R3HCC1L: variants seen among roughly 807,000 people sequenced by gnomAD.
The protein encoded by R3HCC1L is R3H domain and coiled-coil containing 1 like.
In R3HCC1L, 51 loss-of-function variants were observed where a neutral mutation model predicts 59.9. The ratio of observed to expected loss-of-function variants is 0.85; its 90% CI spans 0.68 to 1.07. The LOEUF is 1.07. Ranked by LOEUF, R3HCC1L falls within the 50% of genes least tolerant of loss-of-function variation. The pLI is 0.00. For synonymous variants in R3HCC1L, 322 were observed against 315.2 expected, an observed-to-expected ratio of 1.02 and a Z score of -0.23; for missense variants, 965 against 933.0, an observed-to-expected ratio of 1.03 and a Z score of -0.45.
At chr10:98,150,818 T>A (rs548969035) in intron 1 of R3HCC1L, among the ~76,000 whole-genome samples, 1 of 152,296 alleles carries the variant, frequency 6.6e-6, no homozygotes, top group African/African-American at 2.4e-5. Flanking sequence ...CCCTCCCCTC[T>A]TTGTCTCTGG....
At chr10:98,179,531 T>G (rs959686742) in intron 4 of R3HCC1L, among the ~76,000 whole-genome samples, 7 of 152,292 alleles carry the variant, frequency 4.6e-5, no homozygotes, top group African/African-American at 1.7e-4. Flanking sequence ...TCTCTTTTTT[T>G]GTTGTGTCTC....
intron 5 of R3HCC1L, among the ~76,000 whole-genome samples, chr10:98,225,865 A>T (rs1855614744): frequency 6.6e-6 from 1 of 151,942 alleles, no homozygotes; most frequent in Non-Finnish European, 1.5e-5. Flanking sequence ...TTTGGTACAA[A>T]GTCTTGGCTC....
intron 1 of R3HCC1L, among the ~76,000 whole-genome samples, chr10:98,153,386 CTTTG>C (rs1846471410): frequency 6.6e-6 from 1 of 152,078 alleles, no homozygotes; most frequent in Non-Finnish European, 1.5e-5. Context: ...GCAACATGTG[CTTTG>C]TTAAACAGAT....
rs752527858 is a variant in R3HCC1L, at chr10:98,208,064, A to G, written c.-14-37A>G. On this transcript the variant is annotated intron_variant, in intron 4 of 9. Transcript: ENST00000298999. ...AAATATTTTGGTTCAATACATTGTA[A>G]TTAGTGTCTAATAATTAAATCATTC... The G allele has an allele frequency of 8.5e-6, 13 of 1,530,408 alleles. No individual in the cohort carries two copies. The African/African-American group carries it at 1.5e-4, about 18-fold the overall frequency. The allele number at this position is 1,530,408 out of a possible 1,614,324, so 94.8% of individuals were successfully genotyped here.
At chr10:98,174,205 G>T (rs999972599) in intron 4 of R3HCC1L, among the ~76,000 whole-genome samples, 1 of 152,158 alleles carries the variant, frequency 6.6e-6, no homozygotes, top group Non-Finnish European at 1.5e-5. Context: ...GTGAAATTTA[G>T]TTAACTATTT....
At chr10:98,243,338 G>C (rs1857745345) in intron 9 of R3HCC1L, among the ~76,000 whole-genome samples, 1 of 152,176 alleles carries the variant, frequency 6.6e-6, no homozygotes, top group African/African-American at 2.4e-5. Context: ...TAAATGACTA[G>C]CCATGCAATT....
intron 1 of R3HCC1L, among the ~76,000 whole-genome samples, chr10:98,152,287 C>T (rs1184058123): frequency 6.6e-6 from 1 of 152,174 alleles, no homozygotes; most frequent in Non-Finnish European, 1.5e-5. Context: ...TGCAGTGGCG[C>T]CATCTCGGCT....
intron 4 of R3HCC1L, among the ~76,000 whole-genome samples, chr10:98,175,009 C>T (rs1209493729): frequency 1.2e-4 from 18 of 151,864 alleles, no homozygotes; most frequent in Admixed American, 1.2e-3. Context: ...TTGTGTAGTT[C>T]GGTTATATAT....
At chr10:98,146,836 G>C (rs1409186012) in intron 1 of R3HCC1L, among the ~76,000 whole-genome samples, 2 of 152,044 alleles carry the variant, frequency 1.3e-5, no homozygotes, top group African/African-American at 4.8e-5. Context: ...TCATATTTTG[G>C]ATATAGTGAA....
chr10:98,239,419 A>G (rs1857292439), intron 9 of R3HCC1L, among the ~76,000 whole-genome samples: 1 of 152,158 alleles, frequency 6.6e-6, no homozygotes, highest in Non-Finnish European at 1.5e-5. Flanking sequence ...ATATGGTATA[A>G]TAATCTCCCA....
intron 9 of R3HCC1L, among the ~76,000 whole-genome samples, chr10:98,243,764 A>C (rs566764405): frequency 1.3e-5 from 2 of 152,364 alleles, no homozygotes; most frequent in Admixed American, 1.3e-4. Flanking sequence ...ATTGTGTTGA[A>C]GCACTAAACA....
intron 4 of R3HCC1L, among the ~76,000 whole-genome samples, chr10:98,164,162 G>A (rs1397017771): frequency 6.6e-6 from 1 of 152,162 alleles, no homozygotes; most frequent in Non-Finnish European, 1.5e-5. Context: ...ATGTGCTGCT[G>A]ACGCACATTG....
chr10:98,179,802 A>G (rs7917380), intron 4 of R3HCC1L, among the ~76,000 whole-genome samples: 144,577 of 152,222 alleles, frequency 0.95, 69,083 homozygotes, highest in East Asian at 1. Context: ...GAGGGTGTAT[A>G]TGTCCAGGAA....
intron 1 of R3HCC1L, among the ~76,000 whole-genome samples, chr10:98,143,430 G>A (rs1440998181): frequency 6.6e-6 from 1 of 152,188 alleles, no homozygotes; most frequent in Non-Finnish European, 1.5e-5. Flanking sequence ...GAGTTGACAA[G>A]CCCCAGGAGC....
At chr10:98,242,504 G>A (rs940999173) in intron 9 of R3HCC1L, among the ~76,000 whole-genome samples, 4 of 152,100 alleles carry the variant, frequency 2.6e-5, no homozygotes, top group Admixed American at 2.0e-4. Flanking sequence ...AAATAGCTTC[G>A]TATCCTTTCA....
chr10:98,193,869 G>C (rs141853063), intron 4 of R3HCC1L, among the ~76,000 whole-genome samples: 38 of 152,252 alleles, frequency 2.5e-4, no homozygotes, highest in African/African-American at 9.1e-4. Flanking sequence ...ATGCAATACT[G>C]TTGTGGATTG....
intron 4 of R3HCC1L, among the ~76,000 whole-genome samples, chr10:98,206,611 A>G (rs77573910): frequency 1.8e-5 from 2 of 112,370 alleles, no homozygotes; most frequent in East Asian, 5.4e-4. Flanking sequence ...TATTATTATT[A>G]TTTTTTGTTT....
intron 5 of R3HCC1L, among the ~76,000 whole-genome samples, chr10:98,229,841 TGTA>T (rs1290748645): frequency 7.2e-5 from 11 of 152,214 alleles, no homozygotes; most frequent in Non-Finnish European, 1.6e-4. Context: ...GAGATAATCA[TGTA>T]GTTTTTGTTG....
intron 1 of R3HCC1L, among the ~76,000 whole-genome samples, chr10:98,145,746 C>T (rs955201641): frequency 2.6e-5 from 4 of 152,086 alleles, no homozygotes; most frequent in East Asian, 1.9e-4. Flanking sequence ...GTCAGGAGAT[C>T]GAGACCATCC....
Sources: gnomAD v4.1 joint callset for allele counts (sites outside exome capture counted in the v4.1 genomes callset) on GRCh38, gnomAD v4.1.1 for gene constraint, MANE v1.5 for transcripts, NCBI Gene and HGNC (gene_info 2026-07-23, HGNC 2026-07-21) for gene names.